The following C12orf42 variants were observed in gnomAD, a reference collection of about 807,000 sequenced individuals.
The protein encoded by C12orf42 is uncharacterized protein C12orf42.
C12orf42 carries 25 observed loss-of-function variants against 21.6 expected under a neutral mutation model. The observed-to-expected ratio is 1.16, with a 90% CI of 0.84 to 1.62. C12orf42 has a LOEUF of 1.62. Ranked by LOEUF, C12orf42 falls within the 40% of genes most tolerant of loss-of-function variation. The pLI is 0.00. For synonymous variants in C12orf42, 174 were observed against 175.0 expected (o/e 0.99, Z 0.05); for missense variants, 483 against 459.3 (o/e 1.05, Z -0.47).
At chr12:103,332,662 T>C (rs541429978) in intron 4 of C12orf42, among the ~76,000 whole-genome samples, 96 of 152,374 alleles carry the variant, frequency 6.3e-4, no homozygotes, top group African/African-American at 2.2e-3. Context: ...GTAATGCCTG[T>C]CCCAGGCTAC....
At chr12:103,462,680 A>C (rs1401224335) in intron 2 of C12orf42, among the ~76,000 whole-genome samples, 1 of 152,190 alleles carries the variant, frequency 6.6e-6, no homozygotes, top group Non-Finnish European at 1.5e-5. Context: ...CAGACCTATA[A>C]AATTTAAGGA....
chr12:103,380,364 T>C (rs1475145416), intron 3 of C12orf42, among the ~76,000 whole-genome samples: 2 of 152,178 alleles, frequency 1.3e-5, no homozygotes, highest in African/African-American at 4.8e-5. Flanking sequence ...GATTTTTTTT[T>C]TGTAAACTGT....
the C12orf42 span, among the ~76,000 whole-genome samples, chr12:103,217,348 C>G: frequency 6.6e-6 from 1 of 151,948 alleles, no homozygotes; most frequent in Non-Finnish European, 1.5e-5. Flanking sequence ...AAGACCCTGT[C>G]TTTACAAAAA....
chr12:103,134,505 C>A, the C12orf42 span, among the ~76,000 whole-genome samples: 1 of 150,552 alleles, frequency 6.6e-6, no homozygotes, highest in Non-Finnish European at 1.5e-5. Context: ...TAGTGTAGAT[C>A]AAGCAGAAGA....
At chr12:103,342,890 A>T (rs2042283524) in intron 4 of C12orf42, among the ~76,000 whole-genome samples, 1 of 152,184 alleles carries the variant, frequency 6.6e-6, no homozygotes, top group Non-Finnish European at 1.5e-5. Flanking sequence ...GGGCACATGC[A>T]AGGGTGCTAT....
At chr12:103,284,483 G>A (rs1029870447) in intron 4 of C12orf42, among the ~76,000 whole-genome samples, 3 of 152,156 alleles carry the variant, frequency 2.0e-5, no homozygotes, top group African/African-American at 4.8e-5. Context: ...TGGTAGCAAA[G>A]ACAAGTCATC....
chr12:103,073,898 CAT>C, the C12orf42 span, among the ~76,000 whole-genome samples: 1 of 152,196 alleles, frequency 6.6e-6, no homozygotes, highest in East Asian at 1.9e-4. Context: ...TAAGAGACGT[CAT>C]ACGTGGGGAT....
At chr12:103,483,305 G>A (rs1025269180) in intron 1 of C12orf42, among the ~76,000 whole-genome samples, 6 of 152,150 alleles carry the variant, frequency 3.9e-5, no homozygotes, top group African/African-American at 1.4e-4. Context: ...TACATGTGTA[G>A]GGGCATAGCG....
intron 4 of C12orf42, among the ~76,000 whole-genome samples, chr12:103,319,691 C>T (rs1404511863): frequency 6.6e-6 from 1 of 152,250 alleles, no homozygotes; most frequent in Non-Finnish European, 1.5e-5. Flanking sequence ...GGCCGTCTGG[C>T]CAATACATCT....
chr12:103,266,923 C>T (rs2035198641), downstream of C12orf42, among the ~76,000 whole-genome samples: 1 of 152,050 alleles, frequency 6.6e-6, no homozygotes, highest in Admixed American at 6.6e-5. Context: ...TTATTTTAAC[C>T]TATGGCAGGC....
At chr12:103,110,069 C>T in the C12orf42 span, among the ~76,000 whole-genome samples, 1 of 152,138 alleles carries the variant, frequency 6.6e-6, no homozygotes, top group Admixed American at 6.5e-5. Context: ...CTGATGACGT[C>T]AGAGGTTTGA....
chr12:103,227,065 G>T, the C12orf42 span, among the ~76,000 whole-genome samples: 1 of 152,166 alleles, frequency 6.6e-6, no homozygotes, highest in South Asian at 2.1e-4. Flanking sequence ...AAGGCATTTA[G>T]GTTTTAAGTC....
chr12:103,068,971 A>G, the C12orf42 span, among the ~76,000 whole-genome samples: 50 of 99,614 alleles, frequency 5.0e-4, 2 homozygotes, highest in East Asian at 2.0e-3. Context: ...ATATATATAT[A>G]TATATATATA....
the C12orf42 span, among the ~76,000 whole-genome samples, chr12:103,180,195 A>G: frequency 8.5e-5 from 13 of 152,086 alleles, no homozygotes; most frequent in Non-Finnish European, 1.5e-4. Context: ...AAGCTCTTAC[A>G]TATTACAATG....
chr12:103,344,325 A>T (rs553328949), intron 4 of C12orf42, among the ~76,000 whole-genome samples: 164 of 152,334 alleles, frequency 1.1e-3, no homozygotes, highest in Middle Eastern at 0.01. Context: ...TGTGGATGAC[A>T]GAGGAGGGGT....
intron 1 of C12orf42, among the ~76,000 whole-genome samples, chr12:103,483,158 G>C (rs1431491453): frequency 6.6e-6 from 1 of 152,018 alleles, no homozygotes; most frequent in Non-Finnish European, 1.5e-5. Flanking sequence ...ATTTTAGTTT[G>C]AACCTTATAT....
At chr12:103,502,150 G>A in the C12orf42 span, among the ~76,000 whole-genome samples, 1 of 152,020 alleles carries the variant, frequency 6.6e-6, no homozygotes, top group African/African-American at 2.4e-5. Flanking sequence ...TCAGTTTCTA[G>A]AACAATCTTT....
chr12:103,459,065 C>T (rs1420120688), intron 2 of C12orf42, among the ~76,000 whole-genome samples: 1 of 152,044 alleles, frequency 6.6e-6, no homozygotes, highest in Non-Finnish European at 1.5e-5. Flanking sequence ...ATGGAAGCTT[C>T]CTAGACTGGC....
At chr12:103,238,726 T>C (rs2033578269) in intron 10 of C12orf42, among the ~76,000 whole-genome samples, 1 of 152,050 alleles carries the variant, frequency 6.6e-6, no homozygotes, top group Admixed American at 6.6e-5. Flanking sequence ...GCCCTATGAG[T>C]GCAGCACGGT....
Sources: gnomAD v4.1 joint callset for allele counts (sites outside exome capture counted in the v4.1 genomes callset) on GRCh38, gnomAD v4.1.1 for gene constraint, MANE v1.5 for transcripts, NCBI Gene and HGNC (gene_info 2026-07-23, HGNC 2026-07-21) for gene names.